MAP3K1: variants seen among roughly 807,000 people sequenced by gnomAD.
The protein encoded by MAP3K1 is mitogen-activated protein kinase kinase kinase 1.
Under a neutral mutation model 144.2 loss-of-function variants are expected in MAP3K1, and 36 were observed. That is an observed-to-expected ratio of 0.25 (90% CI 0.19 to 0.33). MAP3K1 has a LOEUF of 0.33. Ranked by LOEUF, MAP3K1 falls within the 10% of genes least tolerant of loss-of-function variation. The pLI is 1.00. For missense variants in MAP3K1, 1,650 were observed against 1,881.9 expected (o/e 0.88, Z 2.28); for synonymous variants, 718 against 688.7 (o/e 1.04, Z -0.67).
chr5:56,823,743 A>T (rs1421702799), intron 1 of MAP3K1, among the ~76,000 whole-genome samples: 1 of 152,236 alleles, frequency 6.6e-6, no homozygotes, highest in East Asian at 1.9e-4. Context: ...CTGGACTTGT[A>T]GACGTGCCTG....
At chr5:56,838,998 G>A (rs914377718) in intron 1 of MAP3K1, among the ~76,000 whole-genome samples, 3 of 152,206 alleles carry the variant, frequency 2.0e-5, no homozygotes, top group African/African-American at 7.2e-5. Context: ...CATTGGTCGA[G>A]ATCTTCTGGG....
Position 56,884,719 on chromosome 5 carries a change from G to A in MAP3K1, c.3875G>A (p.Arg1292Lys), listed in dbSNP as rs754608335. The change falls in exon 16 of 20, where the codon AGA (arginine) becomes AAA (lysine). Residue 1292 changes from arginine to lysine, a missense_variant. By Grantham distance (26) the Arg-to-Lys change is conservative (BLOSUM62 2). This residue lies in a region of MAP3K1 where 165 missense variants were observed against 322.9 expected (regional missense o/e 0.51). Coordinates refer to ENST00000399503, the MANE Select transcript of MAP3K1 (RefSeq NM_005921.2). Reference sequence around the variant, plus strand: ...CAAGAAGAAGTAGTAGAAGCACTAAGAGAAGAGATAAGAATGATGAGCCAT... The same window carrying A: ...CAAGAAGAAGTAGTAGAAGCACTAAAAGAAGAGATAAGAATGATGAGCCAT... ...SEQEEVVEAL[R>K]EEIRMMSHLN... is the part of the protein sequence containing the mutation. 6.2e-7 allele frequency: 1 copy of A among 1,613,894 alleles called. No homozygotes were observed. The highest frequency in any genetic ancestry group is 2.2e-5 in the East Asian group (1 of 44,802).
chr5:56,883,924 G>A (rs1748301316), intron 15 of MAP3K1, among the ~76,000 whole-genome samples: 1 of 152,088 alleles, frequency 6.6e-6, no homozygotes, highest in Non-Finnish European at 1.5e-5. Context: ...CAAGGTGGTT[G>A]GATCATTTGA....
At chr5:56,848,932 G>A (rs1747080800) in intron 1 of MAP3K1, among the ~76,000 whole-genome samples, 1 of 152,182 alleles carries the variant, frequency 6.6e-6, no homozygotes, top group South Asian at 2.1e-4. Flanking sequence ...CAGAACATGA[G>A]CTTTTTGAGG....
intron 10 of MAP3K1, 129 bp from the exon 11 acceptor site, chr5:56,878,851 T>C: frequency 1.3e-6 from 1 of 778,030 alleles, no homozygotes; most frequent in Middle Eastern, 2.8e-4. Context: ...CATGGAATTC[T>C]TATTTTATTC....
chr5:56,862,325 A>G (rs1049397279), intron 3 of MAP3K1, among the ~76,000 whole-genome samples: 3 of 152,176 alleles, frequency 2.0e-5, no homozygotes, highest in African/African-American at 7.2e-5. Flanking sequence ...TGTGTTTGCT[A>G]ATGCCTTATT....
chr5:56,849,831 T>C (rs1579742408), intron 1 of MAP3K1, among the ~76,000 whole-genome samples: 1 of 152,222 alleles, frequency 6.6e-6, no homozygotes, highest in Admixed American at 6.5e-5. Flanking sequence ...TAAATATTCA[T>C]TTTCCTTTTG....
rs1748654116 is a variant in MAP3K1 at position 56,894,792 on chromosome 5, A to G, written c.*1112A>G. Reference sequence around the variant, plus strand: ...CATTTTTTAAAAAGATTATTCAACTACCAATCAGTAATGTTTTTAAACAGT... The same window carrying G: ...CATTTTTTAAAAAGATTATTCAACTGCCAATCAGTAATGTTTTTAAACAGT... On this transcript the variant is annotated 3_prime_UTR_variant, in exon 20 of 20. Coordinates refer to ENST00000399503, the MANE Select transcript of MAP3K1 (RefSeq NM_005921.2). 1 of 232,064 alleles carries G rather than the reference A, an allele frequency of 4.3e-6. No individual in the cohort carries two copies. The highest frequency in any genetic ancestry group is 8.5e-6 in the Non-Finnish European group (1 of 117,442). 14.4% of individuals were successfully genotyped at this position (232,064 alleles called of 1,614,324 possible).
At chr5:56,817,252 A>G (rs2111734217) in intron 1 of MAP3K1, 1 of 263,652 alleles carries the variant, frequency 3.8e-6, no homozygotes, top group Middle Eastern at 2.0e-3. Context: ...ACGTATGCAA[A>G]GTACAAAGTC....
Position 56,864,914 on chromosome 5 carries a change from C to T in MAP3K1, c.1015C>T (p.Arg339Trp), listed in dbSNP as rs373572109. 22 of 1,613,918 alleles carry T rather than the reference C, an allele frequency of 1.4e-5. No homozygotes were observed. Among genetic ancestry groups the T allele is most frequent in the Middle Eastern group, 1.7e-4 (1 of 6,048 alleles). The part of the protein sequence containing the change: ...IGGDSPDNKY[R>W]VFIGPQNCSC... ...AGGAGACAGCCCAGACAATAAATACCGGGTGTTTATTGGGCCTCAGGTAGG... is the reference window on the plus strand; with the variant it reads ...AGGAGACAGCCCAGACAATAAATACTGGGTGTTTATTGGGCCTCAGGTAGG... The change falls in exon 4 of 20, where the codon CGG becomes TGG. Residue 339 changes from arginine (R) to tryptophan (W), a missense_variant. Transcript: ENST00000399503.
intron 12 of MAP3K1, 83 bp from the exon 13 acceptor site, chr5:56,881,000 G>T: frequency 8.1e-7 from 1 of 1,229,154 alleles, no homozygotes. Context: ...ATTTTTGTTG[G>T]CCTTACACCA....
intron 1 of MAP3K1, among the ~76,000 whole-genome samples, chr5:56,833,174 T>A (rs1395606502): frequency 6.6e-6 from 1 of 152,198 alleles, no homozygotes; most frequent in Non-Finnish European, 1.5e-5. Flanking sequence ...TCTGCCATGA[T>A]TTTTTTGTTT....
intron 6 of MAP3K1, among the ~76,000 whole-genome samples, chr5:56,866,784 G>A (rs1018312784): frequency 6.6e-6 from 1 of 152,112 alleles, no homozygotes; most frequent in African/African-American, 2.4e-5. Flanking sequence ...GAGAAGAGAG[G>A]TTTTCTTCAT....
intron 1 of MAP3K1, among the ~76,000 whole-genome samples, chr5:56,851,717 A>G (rs941103099): frequency 6.6e-6 from 1 of 152,246 alleles, no homozygotes; most frequent in Non-Finnish European, 1.5e-5. Context: ...CGTTCAGTAC[A>G]GAAGGTCATT....
intron 1 of MAP3K1, among the ~76,000 whole-genome samples, chr5:56,822,993 C>T (rs1746199717): frequency 6.6e-6 from 1 of 152,178 alleles, no homozygotes; most frequent in African/African-American, 2.4e-5. Flanking sequence ...TTAGTGGCCT[C>T]CTTGCCTGAT....
At chr5:56,867,626 T>C (rs1363482434) in intron 6 of MAP3K1, among the ~76,000 whole-genome samples, 1 of 152,210 alleles carries the variant, frequency 6.6e-6, no homozygotes, top group East Asian at 1.9e-4. Context: ...ATGAAGACTT[T>C]TTAAATGATG....
At chr5:56,867,324 T>A (rs562698508) in intron 6 of MAP3K1, among the ~76,000 whole-genome samples, 44 of 152,322 alleles carry the variant, frequency 2.9e-4, no homozygotes, top group African/African-American at 1.0e-3. Flanking sequence ...ATAGATAGAT[T>A]TTTGTTTCGT....
chr5:56,860,563 C>T (rs1747475437), intron 3 of MAP3K1, among the ~76,000 whole-genome samples: 2 of 152,126 alleles, frequency 1.3e-5, no homozygotes, highest in Admixed American at 1.3e-4. Flanking sequence ...TCAAGGAAAG[C>T]AACTTAAGGC....
intron 6 of MAP3K1, among the ~76,000 whole-genome samples, chr5:56,869,604 T>G (rs1253531001): frequency 1.3e-5 from 2 of 152,180 alleles, no homozygotes; most frequent in East Asian, 3.8e-4. Context: ...ACAAAATATG[T>G]ACTTGGAAAA....
Sources: gnomAD v4.1 joint callset for allele counts (sites outside exome capture counted in the v4.1 genomes callset) on GRCh38, gnomAD v4.1.1 for gene constraint, gnomAD v4.1.1 regional missense constraint, MANE v1.5 for transcripts, NCBI Gene and HGNC (gene_info 2026-07-23, HGNC 2026-07-21) for gene names.